The following MAD1L1 variants were observed in gnomAD, a reference collection of about 807,000 sequenced individuals.
MAD1L1 encodes mitotic spindle assembly checkpoint protein MAD1.
In MAD1L1, 95 loss-of-function variants were observed where a neutral mutation model predicts 96.9. The ratio of observed to expected loss-of-function variants is 0.98; its 90% CI spans 0.83 to 1.16. The LOEUF (loss-of-function observed/expected upper bound fraction) is 1.16. MAD1L1 is among the 50% of genes most tolerant of loss of function. The probability of loss-of-function intolerance (pLI) is 0.00; values close to 1 mark genes in which losing one functional copy is unlikely to be tolerated. For missense variants in MAD1L1, 1,007 were observed against 954.4 expected (o/e 1.06, Z -0.73); for synonymous variants, 473 against 396.6 (o/e 1.19, Z -2.29).
chr7:2,037,746 G>C (rs1226660275), intron 12 of MAD1L1, among the ~76,000 whole-genome samples: 1 of 152,068 alleles, frequency 6.6e-6, no homozygotes, highest in Admixed American at 6.6e-5. Flanking sequence ...GCTTGTGTCT[G>C]GCTGCTTCAC....
At chr7:1,864,621 G>T (rs1279930549) in intron 18 of MAD1L1, among the ~76,000 whole-genome samples, 1 of 152,202 alleles carries the variant, frequency 6.6e-6, no homozygotes, top group Non-Finnish European at 1.5e-5. Flanking sequence ...CTTCCCCCAT[G>T]CGGGGCTGTG....
intron 10 of MAD1L1, among the ~76,000 whole-genome samples, chr7:2,166,198 G>C (rs1417178915): frequency 1.3e-5 from 2 of 152,232 alleles, no homozygotes; most frequent in African/African-American, 4.8e-5. Context: ...ATGTTTTACA[G>C]CTCTTTTGCC....
intron 18 of MAD1L1, among the ~76,000 whole-genome samples, chr7:1,859,156 A>G (rs1420496980): frequency 1.3e-5 from 2 of 152,122 alleles, no homozygotes; most frequent in African/African-American, 2.4e-5. Context: ...TGCCTGAGAG[A>G]GGCAGTGGGA....
At chr7:2,228,313 G>C (rs1008602555) in intron 3 of MAD1L1, among the ~76,000 whole-genome samples, 7 of 152,196 alleles carry the variant, frequency 4.6e-5, no homozygotes, top group Admixed American at 1.3e-4. Context: ...CCGGGCTGGA[G>C]TGCAGTGGCG....
intron 17 of MAD1L1, among the ~76,000 whole-genome samples, chr7:1,932,844 C>A (rs1487735068): frequency 6.6e-6 from 1 of 152,232 alleles, no homozygotes; most frequent in African/African-American, 2.4e-5. Context: ...GTGGGCTGTA[C>A]CTCTAATGTT....
chr7:1,862,588 C>T lies in MAD1L1; in HGVS notation c.1998+35612G>A, dbSNP rs116402102. Among the ~76,000 whole-genome samples, 597 of 152,376 alleles carry T rather than the reference C, an allele frequency of 3.9e-3. 6 individuals are homozygous for T. The highest frequency in any genetic ancestry group is 0.014 in the African/African-American group (564 of 41,590). ...TGTACAATAAAGTTCATCAGATCCA[C>T]TCAGGGGGCATTGCTGGAGGCTGAG... is the stretch of plus-strand genomic sequence containing the variant. On this transcript the variant is annotated intron_variant, in intron 18 of 18. Coordinates refer to ENST00000265854, the MANE Select transcript of MAD1L1 (RefSeq NM_001013836.2).
intron 11 of MAD1L1, among the ~76,000 whole-genome samples, chr7:2,083,966 G>A (rs909141583): frequency 1.3e-5 from 2 of 152,198 alleles, no homozygotes; most frequent in African/African-American, 2.4e-5. Flanking sequence ...GGAAGCGGGC[G>A]CAGACTGGGC....
At chr7:1,925,607 C>T (rs116686396) in intron 17 of MAD1L1, among the ~76,000 whole-genome samples, 2,121 of 152,318 alleles carry the variant, frequency 0.014, 43 homozygotes, top group African/African-American at 0.048. Flanking sequence ...GTGACCTCAA[C>T]GCCTCCCAGG....
intron 12 of MAD1L1, among the ~76,000 whole-genome samples, chr7:2,025,894 TA>T (rs1158045490): frequency 6.6e-6 from 1 of 152,038 alleles, no homozygotes; most frequent in Non-Finnish European, 1.5e-5. Flanking sequence ...ATAACGATCA[TA>T]AAAAAATTTA....
chr7:2,019,486 A>C (rs1782685612), intron 12 of MAD1L1, among the ~76,000 whole-genome samples: 1 of 152,238 alleles, frequency 6.6e-6, no homozygotes, highest in Admixed American at 6.5e-5. Flanking sequence ...ACGTCTCTGA[A>C]CCCACCCTCC....
chr7:2,105,667 A>C lies in MAD1L1; in HGVS notation c.1074-36329T>G, dbSNP rs1285257050. Among the ~76,000 whole-genome samples the C allele has an allele frequency of 7.2e-5, 11 of 152,164 alleles. 1 individual carries two copies. Among genetic ancestry groups the C allele is most frequent in the Middle Eastern group, 3.4e-3 (1 of 294 alleles). On this transcript the variant is annotated intron_variant, in intron 11 of 18. Coordinates refer to ENST00000265854, the MANE Select transcript of MAD1L1 (RefSeq NM_001013836.2). ...GAGGGAAAATGGGGCCTCTCTCACCACAGCCCTGCTTTACCTGGTGGCCTC... is the reference window on the plus strand; with the variant it reads ...GAGGGAAAATGGGGCCTCTCTCACCCCAGCCCTGCTTTACCTGGTGGCCTC...
chr7:2,017,737 A>G (rs939949), intron 12 of MAD1L1, among the ~76,000 whole-genome samples: 123,684 of 152,174 alleles, frequency 0.81, 52,820 homozygotes, highest in Non-Finnish European at 0.95. Context: ...TAATTACCAC[A>G]GAGCTTTTGA....
At chr7:1,888,863 T>G (rs976069318) in intron 18 of MAD1L1, among the ~76,000 whole-genome samples, 23 of 152,214 alleles carry the variant, frequency 1.5e-4, no homozygotes, top group African/African-American at 4.8e-4. Flanking sequence ...GCGTGCATGA[T>G]GCCAGTGCGA....
chr7:2,039,292 G>A (rs780023592), intron 12 of MAD1L1, among the ~76,000 whole-genome samples: 17 of 152,212 alleles, frequency 1.1e-4, no homozygotes, highest in Non-Finnish European at 1.9e-4. Context: ...ATTCTTTCCA[G>A]TTTTTGGCCA....
At chr7:2,011,336 C>T (rs926950890) in intron 13 of MAD1L1, among the ~76,000 whole-genome samples, 3 of 152,218 alleles carry the variant, frequency 2.0e-5, no homozygotes, top group Non-Finnish European at 2.9e-5. Flanking sequence ...TGCAGCCGCG[C>T]CCCAACCTTC....
At chr7:2,156,337 G>A (rs1476054837) in intron 10 of MAD1L1, among the ~76,000 whole-genome samples, 2 of 152,198 alleles carry the variant, frequency 1.3e-5, no homozygotes, top group Non-Finnish European at 2.9e-5. Flanking sequence ...GGTGCGTGGC[G>A]TCATGACGTC....
chr7:2,116,703 A>C (rs2398706), intron 11 of MAD1L1, among the ~76,000 whole-genome samples: 5 of 151,922 alleles, frequency 3.3e-5, no homozygotes, highest in African/African-American at 1.2e-4. Flanking sequence ...CCAGAGAAGA[A>C]GCCTGAGGAA....
chr7:1,908,062 C>T (rs1164341790), intron 17 of MAD1L1, among the ~76,000 whole-genome samples: 5 of 152,340 alleles, frequency 3.3e-5, no homozygotes, highest in East Asian at 1.9e-4. Context: ...CCAGACAGTA[C>T]GTTTGCCCAC....
intron 18 of MAD1L1, among the ~76,000 whole-genome samples, chr7:1,878,078 T>C (rs1785475662): frequency 6.6e-6 from 1 of 151,868 alleles, no homozygotes; most frequent in Non-Finnish European, 1.5e-5. Flanking sequence ...AATTTGACAG[T>C]ATACACAAAA....
Sources: gnomAD v4.1 joint callset for allele counts (sites outside exome capture counted in the v4.1 genomes callset) on GRCh38, gnomAD v4.1.1 for gene constraint, MANE v1.5 for transcripts, NCBI Gene and HGNC (gene_info 2026-07-23, HGNC 2026-07-21) for gene names.